CLCA4: variants seen among roughly 807,000 people sequenced by gnomAD.
The protein encoded by CLCA4 is chloride channel accessory 4.
In CLCA4, 69 loss-of-function variants were observed where a neutral mutation model predicts 78.9. That is an observed-to-expected ratio of 0.87 (90% confidence interval 0.72 to 1.07). CLCA4 has a LOEUF of 1.07. Among genes scored for constraint, CLCA4 ranks in the 50% least tolerant of loss-of-function variants. The pLI is 0.00. For synonymous variants in CLCA4, 362 were observed against 375.8 expected, an observed-to-expected ratio of 0.96 and a Z score of 0.42; for missense variants, 1,133 against 1,095.8, an observed-to-expected ratio of 1.03 and a Z score of -0.48.
At chr1:86,574,836 C>A (rs987559816) in intron 10 of CLCA4, 81 bp downstream of exon 10, 2 of 1,012,126 alleles carry the variant, frequency 2.0e-6, no homozygotes, top group African/African-American at 3.2e-5. Flanking sequence ...AATGTCAGTA[C>A]CAAAGGCTGT....
Position 86,575,475 on chromosome 1 carries a change from C to A in CLCA4, c.1827C>A (p.Ser609Arg), listed in dbSNP as rs571354466. ...ATAAGGACGTAAACAGTTTCCCCAG[C>A]CCAATGATTGTTTACGCAGAAATTC... ...KMNKDVNSFP[S>R]PMIVYAEILQ... is the part of the protein sequence containing the mutation. Residue 609 changes from serine to arginine, a missense_variant, in exon 11 of 14, where the codon AGC becomes AGA. Coordinates refer to ENST00000370563, the MANE Select transcript of CLCA4 (RefSeq NM_012128.4). 1.9e-6 allele frequency: 3 copies of A among 1,613,472 alleles called. No individual in the cohort carries two copies. The highest frequency in any genetic ancestry group is 2.5e-6 in the Non-Finnish European group (3 of 1,179,616).
Position 86,580,285 on chromosome 1 carries a change from G to A in CLCA4, c.2700G>A (p.Leu900=), listed in dbSNP as rs1279137776. Residue 900 remains leucine (L), a synonymous_variant, in exon 14 of 14, where the codon CTG becomes CTA. Coordinates refer to ENST00000370563, the MANE Select transcript of CLCA4 (RefSeq NM_012128.4). ...ATTCTGGAGTTAATATTTCTACGCT[G>A]GTATTGTCTGTGATTGGGTCTGTTG... is the stretch of plus-strand genomic sequence containing the variant. ...SHNSGVNIST[L]VLSVIGSVVI... 7 of 1,611,140 alleles carry A rather than the reference G, an allele frequency of 4.3e-6. No individual in the cohort carries two copies. The highest frequency in any genetic ancestry group is 5.9e-6 in the Non-Finnish European group (7 of 1,178,848).
intron 3 of CLCA4, among the ~76,000 whole-genome samples, chr1:86,560,787 C>T (rs1030554886): frequency 6.6e-6 from 1 of 152,164 alleles, no homozygotes; most frequent in African/African-American, 2.4e-5. Flanking sequence ...TTGCCAGTTA[C>T]TGGTCAAGAG....
In CLCA4 at chr1:86,550,496, G is replaced by A. The variant is rs1218764863; in HGVS notation, c.159+3218G>A. On this transcript the variant is annotated intron_variant, in intron 1 of 13. Transcript: ENST00000370563. ...ATGCCCAGATTTTACAATGTTTCCT[G>A]ACATTTCTCCCAGCCCTTCACAAAA... Among the ~76,000 whole-genome samples, 2 of 151,918 alleles carry A rather than the reference G, an allele frequency of 1.3e-5. 1 individual carries two copies. Among genetic ancestry groups the A allele is most frequent in the African/African-American group, 4.8e-5 (2 of 41,350 alleles).
chr1:86,562,448 C>T (rs1650052326), intron 3 of CLCA4, among the ~76,000 whole-genome samples: 1 of 152,148 alleles, frequency 6.6e-6, no homozygotes, highest in Non-Finnish European at 1.5e-5. Context: ...TAATATGCAG[C>T]TTCTGATTCT....
In CLCA4 at chr1:86,580,406, A is replaced by C; in HGVS notation, c.*61A>C. Reference sequence around the variant, plus strand: ...GAAGAGAGTTTTAAAAAACAAAACAATGTAAGTAAAGGATATTTCTGAATC... The same window carrying C: ...GAAGAGAGTTTTAAAAAACAAAACACTGTAAGTAAAGGATATTTCTGAATC... On this transcript the variant is annotated 3_prime_UTR_variant, in exon 14 of 14. Transcript: ENST00000370563. The C allele has an allele frequency of 7.9e-7, 1 of 1,260,828 alleles. No homozygotes were observed. Among genetic ancestry groups the C allele is most frequent in the Non-Finnish European group, 1.1e-6 (1 of 931,224 alleles). 78.1% of individuals were successfully genotyped at this position (1,260,828 alleles called of 1,614,324 possible).
Position 86,559,935 on chromosome 1 carries a change from A to G in CLCA4, c.163A>G (p.Met55Val). The G allele has an allele frequency of 4.4e-6, 7 of 1,593,232 alleles. No individual in the cohort carries two copies. The highest frequency in any genetic ancestry group is 6.0e-6 in the Non-Finnish European group (7 of 1,173,390). ...DEKIIEQIED[M>V]VTTASTYLFE... ...ATATTTTTTCCTTTAATGACAGGAT[A>G]TGGTGACTACAGCTTCTACGTACCT... The change falls in exon 2 of 14, where the codon ATG (methionine) becomes GTG (valine). Residue 55 changes from methionine (M) to valine (V), a missense_variant. Transcript: ENST00000370563.
chr1:86,566,112 G>C, intron 6 of CLCA4, 92 bp downstream of exon 6: 1 of 1,063,442 alleles, frequency 9.4e-7, no homozygotes, highest in Non-Finnish European at 1.3e-6. Flanking sequence ...GTTCTAAATT[G>C]CATGGTGGCA....
At chr1:86,572,223 T>C (rs1267559533) in intron 8 of CLCA4, among the ~76,000 whole-genome samples, 2 of 152,056 alleles carry the variant, frequency 1.3e-5, no homozygotes, top group African/African-American at 2.4e-5. Context: ...AAATAAAAGA[T>C]TAACAATCTT....
intron 1 of CLCA4, among the ~76,000 whole-genome samples, chr1:86,551,964 A>G (rs935978946): frequency 6.6e-6 from 1 of 152,176 alleles, no homozygotes; most frequent in Non-Finnish European, 1.5e-5. Flanking sequence ...AGCACAGAAC[A>G]TAATGGAGAA....
In CLCA4 at chr1:86,565,408, A is replaced by G. The variant is rs912005058; in HGVS notation, c.692A>G (p.Gln231Arg). The G allele has an allele frequency of 6.2e-6, 10 of 1,606,728 alleles. 1 individual carries two copies. Among genetic ancestry groups the G allele is most frequent in the African/African-American group, 5.4e-5 (4 of 74,690 alleles). The change falls in exon 5 of 14, where the codon CAA (glutamine) becomes CGA (arginine). Residue 231 changes from glutamine to arginine, a missense_variant. Physicochemically the swap from Gln to Arg is conservative, Grantham distance 43. Coordinates refer to ENST00000370563, the MANE Select transcript of CLCA4 (RefSeq NM_012128.4). ...TGTCAATTCTTTCCTGATAAAGTAC[A>G]AACAGAAAAAGCATCCATAATGTTT... is the stretch of plus-strand genomic sequence containing the variant. ...KDCQFFPDKV[Q>R]TEKASIMFMQ...
rs957525801 is a variant in CLCA4 at position 86,552,701 on chromosome 1, G to A, written c.159+5423G>A. The A allele has an allele frequency of 1.0e-5, 13 of 1,278,372 alleles. No homozygotes were observed. The African/African-American group carries it at 1.2e-4, about 12-fold the overall frequency. The allele number at this position is 1,278,372 out of a possible 1,614,324, so 79.2% of individuals were successfully genotyped here. On this transcript the variant is annotated intron_variant, in intron 1 of 13. Coordinates refer to ENST00000370563, the MANE Select transcript of CLCA4 (RefSeq NM_012128.4). ...GATGGAGCTGGGGCACGGGGTGACCGGAGCCAAGCCCTCGAGCCCTTCACA... is the reference window on the plus strand; with the variant it reads ...GATGGAGCTGGGGCACGGGGTGACCAGAGCCAAGCCCTCGAGCCCTTCACA...
At chr1:86,572,911 G>A in intron 9 of CLCA4, 191 bp downstream of exon 9, 2 of 592,078 alleles carry the variant, frequency 3.4e-6, no homozygotes, top group Non-Finnish European at 6.1e-6. Flanking sequence ...AAAATAAATG[G>A]TGAAACAGCA....
chr1:86,552,825 G>A (rs563310379), intron 1 of CLCA4: 7 of 905,702 alleles, frequency 7.7e-6, no homozygotes, highest in East Asian at 2.4e-5. Flanking sequence ...TGTAGCGGGG[G>A]ATTTTAGTCT....
At chr1:86,565,208 C>T (rs1233786984) in intron 4 of CLCA4, 66 bp from the exon 5 acceptor site, 1 of 1,122,214 alleles carries the variant, frequency 8.9e-7, no homozygotes, top group Non-Finnish European at 1.3e-6. Context: ...TGAATAGAAC[C>T]ACTTAAGATT....
chr1:86,576,198 C>T (rs565873168), intron 11 of CLCA4, among the ~76,000 whole-genome samples: 6 of 151,876 alleles, frequency 4.0e-5, no homozygotes, highest in South Asian at 2.1e-4. Context: ...CTCACTCTGT[C>T]GCACAGGCTG....
chr1:86,560,337 CA>C lies in CLCA4; in HGVS notation c.431del (p.Asn144MetfsTer94). ...FTPDLLLGKK[Q>X]NEYGPPGKLF... ...CCCTGACCTTCTACTTGGAAAAAAA[CA>C]AAATGAATATGGACCACCAGGTAGA... On this transcript the variant is annotated frameshift_variant, in exon 3 of 14. Transcript: ENST00000370563. LOFTEE classifies it high-confidence loss of function. 1 of 1,613,384 alleles carries C rather than the reference CA, an allele frequency of 6.2e-7. No homozygotes were observed. Among genetic ancestry groups the C allele is most frequent in the Non-Finnish European group, 8.5e-7 (1 of 1,179,744 alleles).
In CLCA4 at chr1:86,580,251, A is replaced by G; in HGVS notation, c.2666A>G (p.Lys889Arg). 1 of 1,600,238 alleles carries G rather than the reference A, an allele frequency of 6.2e-7. No homozygotes were observed. Among genetic ancestry groups the G allele is most frequent in the Non-Finnish European group, 8.6e-7 (1 of 1,169,060 alleles). ...CCTACTCCTACTCCTACTCCTGATA[A>G]AAGTCATAATTCTGGAGTTAATATT... is the stretch of plus-strand genomic sequence containing the variant. ...PTPTPTPTPD[K>R]SHNSGVNIST... The change falls in exon 14 of 14, where the codon AAA (lysine) becomes AGA (arginine). Residue 889 changes from lysine to arginine, a missense_variant. Lys to Arg is a conservative substitution (Grantham distance 26, BLOSUM62 2). Coordinates refer to ENST00000370563, the MANE Select transcript of CLCA4 (RefSeq NM_012128.4).
At chr1:86,578,117 T>C (rs1650580696) in intron 12 of CLCA4, 45 bp downstream of exon 12, 11 of 1,519,944 alleles carry the variant, frequency 7.2e-6, no homozygotes, top group Non-Finnish European at 9.8e-6. Context: ...GTTTGAACAA[T>C]ATTAGTGATT....
Sources: gnomAD v4.1 joint callset for allele counts (sites outside exome capture counted in the v4.1 genomes callset) on GRCh38, gnomAD v4.1.1 for gene constraint, MANE v1.5 for transcripts, NCBI Gene and HGNC (gene_info 2026-07-23, HGNC 2026-07-21) for gene names.